The following PARD3B variants were observed in gnomAD, a reference collection of about 807,000 sequenced individuals.
PARD3B encodes the protein partitioning defective 3 homolog B.
Under a neutral mutation model 130.2 loss-of-function variants are expected in PARD3B, and 103 were observed. The ratio of observed to expected loss-of-function variants is 0.79; its 90% CI spans 0.67 to 0.93. The LOEUF is 0.93. PARD3B is among the 40% of genes least tolerant of loss of function. PARD3B has a pLI of 0.00. For synonymous variants in PARD3B, 583 were observed against 553.2 expected (o/e 1.05, Z -0.76); for missense variants, 1,609 against 1,499.2 (o/e 1.07, Z -1.21).
chr2:205,225,469 G>A (rs2038494292), intron 15 of PARD3B, among the ~76,000 whole-genome samples: 1 of 151,904 alleles, frequency 6.6e-6, no homozygotes, highest in Non-Finnish European at 1.5e-5. Flanking sequence ...TTTTTCCTCT[G>A]GAGTTGTTTG....
intron 15 of PARD3B, among the ~76,000 whole-genome samples, chr2:205,232,292 A>T (rs955197734): frequency 6.6e-6 from 1 of 152,142 alleles, no homozygotes; most frequent in Non-Finnish European, 1.5e-5. Flanking sequence ...GCACACACAC[A>T]GAGTGTAAAT....
At chr2:205,024,207 G>A (rs1184691351) in intron 3 of PARD3B, among the ~76,000 whole-genome samples, 14 of 121,902 alleles carry the variant, frequency 1.1e-4, no homozygotes, top group South Asian at 2.7e-4. Context: ...CACTTCTGTC[G>A]CCCAGGCTGG....
chr2:205,476,250 A>C (rs765807357), intron 20 of PARD3B, among the ~76,000 whole-genome samples: 1 of 152,212 alleles, frequency 6.6e-6, no homozygotes, highest in Non-Finnish European at 1.5e-5. Flanking sequence ...CCACCAGTGC[A>C]CCTAGGCAGA....
At chr2:205,614,018 T>A (rs2055331012) in intron 22 of PARD3B, among the ~76,000 whole-genome samples, 1 of 152,194 alleles carries the variant, frequency 6.6e-6, no homozygotes, top group South Asian at 2.1e-4. Flanking sequence ...TTTTTCTTTT[T>A]TAAAAATTAT....
In PARD3B at chr2:205,142,254, G is replaced by T. The variant is rs1242253456; in HGVS notation, c.1435-16468G>T. Among the ~76,000 whole-genome samples, 1 of 152,126 alleles carries T rather than the reference G, an allele frequency of 6.6e-6. No individual in the cohort carries two copies. The highest frequency in any genetic ancestry group is 1.5e-5 in the Non-Finnish European group (1 of 68,020). The stretch of plus-strand genomic sequence containing the variant: ...AGAGAGCATAAGTTTTAGGTGGAGA[G>T]AATCCCATTTAAATAGTTAAAGAAG... On this transcript the variant is annotated intron_variant, in intron 10 of 22. Transcript: ENST00000406610. This position sits in a 1 kb window ranked among gnomAD's most constrained non-coding sequence, Gnocchi z 4.3.
intron 2 of PARD3B, among the ~76,000 whole-genome samples, chr2:204,753,927 G>A (rs1346786709): frequency 6.6e-6 from 1 of 151,990 alleles, no homozygotes; most frequent in African/African-American, 2.4e-5. Flanking sequence ...TAAATAATTG[G>A]TGCAGTGTTA....
At chr2:204,591,212 T>C (rs2033060612) in intron 1 of PARD3B, among the ~76,000 whole-genome samples, 1 of 152,202 alleles carries the variant, frequency 6.6e-6, no homozygotes, top group Non-Finnish European at 1.5e-5. Flanking sequence ...TAAGTGTGCA[T>C]GTATATGTTT....
intron 18 of PARD3B, among the ~76,000 whole-genome samples, chr2:205,386,210 A>T (rs2045655921): frequency 6.6e-6 from 1 of 152,118 alleles, no homozygotes; most frequent in Admixed American, 6.6e-5. Context: ...GGGAGAAGTG[A>T]TGGATTCATG....
At chr2:204,947,228 A>T (rs1393280888) in intron 2 of PARD3B, among the ~76,000 whole-genome samples, 1 of 152,178 alleles carries the variant, frequency 6.6e-6, no homozygotes, top group Non-Finnish European at 1.5e-5. Context: ...TTGACTTAAG[A>T]AGGGAATTAT....
intron 4 of PARD3B, among the ~76,000 whole-genome samples, chr2:205,083,158 A>T (rs756622218): frequency 6.6e-6 from 1 of 151,946 alleles, no homozygotes; most frequent in Non-Finnish European, 1.5e-5. Context: ...TGACCTCATG[A>T]TCTGCCCATC....
At chr2:205,326,954 G>A (rs1156553140) in intron 18 of PARD3B, among the ~76,000 whole-genome samples, 1 of 152,092 alleles carries the variant, frequency 6.6e-6, no homozygotes, top group African/African-American at 2.4e-5. Context: ...GTTCTCTTCG[G>A]TGCTATTTAT....
At chr2:204,594,993 T>A (rs2033224682) in intron 1 of PARD3B, among the ~76,000 whole-genome samples, 1 of 152,186 alleles carries the variant, frequency 6.6e-6, no homozygotes. Context: ...GAAATGTCTG[T>A]TCCTTAGCAT....
At chr2:205,545,334 T>C (rs1317654667) in intron 21 of PARD3B, among the ~76,000 whole-genome samples, 1 of 152,214 alleles carries the variant, frequency 6.6e-6, no homozygotes, top group South Asian at 2.1e-4. Flanking sequence ...TTTATTGTGT[T>C]GATTCCTTTA....
At chr2:205,279,088 A>AC (rs1383786351) in intron 16 of PARD3B, among the ~76,000 whole-genome samples, 1 of 150,578 alleles carries the variant, frequency 6.6e-6, no homozygotes, top group African/African-American at 2.4e-5. Context: ...AAAAAAAAAA[A>AC]AAAAAAAACA....
rs546490859 is a variant in PARD3B at position 204,966,895 on chromosome 2, CTTAA to C, written c.394+1576_394+1579del. Among the ~76,000 whole-genome samples, 145 of 152,324 alleles carry C rather than the reference CTTAA, an allele frequency of 9.5e-4. 1 individual carries two copies. The highest frequency in any genetic ancestry group is 3.3e-3 in the African/African-American group (137 of 41,570). On this transcript the variant is annotated intron_variant, in intron 3 of 22. Transcript: ENST00000406610. ...ACTCATTTATTTAAGCCTCGTCATACTTAATTAGTCGGCTTTTATTATTTTTATC... is the reference window on the plus strand; with the variant it reads ...ACTCATTTATTTAAGCCTCGTCATACTTAGTCGGCTTTTATTATTTTTATC...
intron 3 of PARD3B, among the ~76,000 whole-genome samples, chr2:204,996,377 C>A (rs1694179238): frequency 6.6e-6 from 1 of 152,122 alleles, no homozygotes; most frequent in Admixed American, 6.5e-5. Context: ...GGGGGTGCCT[C>A]CCAGTTAGGC....
At chr2:204,733,905 T>A (rs1417504668) in intron 2 of PARD3B, among the ~76,000 whole-genome samples, 2 of 152,128 alleles carry the variant, frequency 1.3e-5, no homozygotes, top group African/African-American at 4.8e-5. Context: ...ATTGGAGAAT[T>A]TTTTTGTTAT....
intron 15 of PARD3B, among the ~76,000 whole-genome samples, chr2:205,225,382 A>G (rs1261684170): frequency 2.0e-5 from 3 of 151,672 alleles, no homozygotes; most frequent in South Asian, 2.1e-4. Context: ...CTTTTACTAT[A>G]CCTGTTTGCC....
intron 1 of PARD3B, among the ~76,000 whole-genome samples, chr2:204,625,964 G>A (rs1241012619): frequency 6.6e-6 from 1 of 152,042 alleles, no homozygotes; most frequent in Non-Finnish European, 1.5e-5. Context: ...ATATTATTTT[G>A]AATTACCATG....
Sources: gnomAD v4.1 joint callset for allele counts (sites outside exome capture counted in the v4.1 genomes callset) on GRCh38, gnomAD v4.1.1 for gene constraint, Gnocchi (gnomAD v3.1) non-coding constraint, MANE v1.5 for transcripts, NCBI Gene and HGNC (gene_info 2026-07-23, HGNC 2026-07-21) for gene names.